Variants in LRP1 observed in about 807,000 individuals in gnomAD.
LRP1 encodes the protein LDL receptor related protein 1, also known as prolow-density lipoprotein receptor-related protein 1.
In LRP1, 51 loss-of-function variants were observed where a neutral mutation model predicts 541.5. The ratio of observed to expected loss-of-function variants is 0.09; its 90% CI spans 0.08 to 0.12. The LOEUF is 0.12. Ranked by LOEUF, LRP1 falls within the 10% of genes least tolerant of loss-of-function variation. The pLI is 1.00. For synonymous variants in LRP1, 2,219 were observed against 2,470.8 expected (o/e 0.90, Z 3.02); for missense variants, 3,878 against 6,376.2 (o/e 0.61, Z 13.34).
intron 4 of LRP1, 100 bp from the exon 5 acceptor site, chr12:57,144,872 G>T (rs1049329154): frequency 1.7e-6 from 2 of 1,191,906 alleles, no homozygotes; most frequent in South Asian, 2.5e-5. Flanking sequence ...GTCCTTCAAG[G>T]TAGCTGTAAG....
intron 6 of LRP1, among the ~76,000 whole-genome samples, chr12:57,145,810 T>C (rs1013182931): frequency 2.0e-5 from 3 of 152,076 alleles, no homozygotes; most frequent in African/African-American, 4.8e-5. Context: ...AGAGGGACTT[T>C]CCGGTGCAGT....
At chr12:57,200,125 C>T in intron 62 of LRP1, 100 bp downstream of exon 62, 7 of 1,038,344 alleles carry the variant, frequency 6.7e-6, no homozygotes, top group Non-Finnish European at 8.4e-6. Context: ...CCTCATGCAT[C>T]TGGTTTTCCC....
At position 57,185,712 on chromosome 12, in the gene LRP1, G is replaced by A. The variant is rs746675318; in HGVS notation, c.6645G>A (p.Ser2215=). ...CCATTCTCAAGAGTATCCACCTGTC[G>A]GATGAGCGCAACCTCAATGCGCCCG... ...ERTILKSIHL[S]DERNLNAPVQ... The change falls in exon 41 of 89, where the codon TCG becomes TCA. Residue 2215 remains serine (S), a synonymous_variant. Transcript: ENST00000243077. The surrounding 1 kb of genome is among the most constrained non-coding windows in gnomAD (Gnocchi z 4.9). 51 of 1,613,998 alleles carry A rather than the reference G, an allele frequency of 3.2e-5. No individual in the cohort carries two copies. The highest frequency in any genetic ancestry group is 3.3e-5 in the South Asian group (3 of 91,080).
chr12:57,204,793 C>A lies in LRP1; in HGVS notation c.11194+44C>A. The A allele has an allele frequency of 6.2e-7, 1 of 1,607,462 alleles. No individual in the cohort carries two copies. Among genetic ancestry groups the A allele is most frequent in the Non-Finnish European group, 8.5e-7 (1 of 1,175,242 alleles). ...AGAGGCCTGCAGGGGACGGGTAGTG[C>A]ACAGTGGGGTGAGTCTGGTCCTCGT... On this transcript the variant is annotated intron_variant, in intron 72 of 88. Transcript: ENST00000243077. The surrounding 1 kb of genome is among the most constrained non-coding windows in gnomAD (Gnocchi z 5.3).
chr12:57,159,310 C>T (rs1269318536), intron 11 of LRP1, among the ~76,000 whole-genome samples: 1 of 152,182 alleles, frequency 6.6e-6, no homozygotes. Flanking sequence ...GCAATCATAT[C>T]ACAAGACTTT....
chr12:57,175,452 T>C lies in LRP1; in HGVS notation c.3548-8T>C. The C allele has an allele frequency of 1.2e-6, 2 of 1,612,330 alleles. No individual in the cohort carries two copies. The highest frequency in any genetic ancestry group is 1.7e-6 in the Non-Finnish European group (2 of 1,179,960). ...CCTGGGTCTGTTCCATGCCTGCCCC[T>C]CCCCTAGACCAGTGCTCTCTGAATA... On this transcript the variant is annotated splice_region_variant and splice_polypyrimidine_tract_variant and intron_variant, in intron 22 of 88. Transcript: ENST00000243077.
rs74093958 is a variant in LRP1 at position 57,161,987 on chromosome 12, G to A, written c.2203-330G>A. Among the ~76,000 whole-genome samples, 836 of 149,082 alleles carry A rather than the reference G, an allele frequency of 5.6e-3. 9 individuals are homozygous for A. Among genetic ancestry groups the A allele is most frequent in the African/African-American group, 0.02 (787 of 38,814 alleles). ...TGCTCATTAGTGTGTGTGTGTGCGC[G>A]CACGCATATGAGTGTGTGTGTGTGT... On this transcript the variant is annotated intron_variant, in intron 13 of 88. Coordinates refer to ENST00000243077, the MANE Select transcript of LRP1 (RefSeq NM_002332.3).
chr12:57,142,802 G>T (rs902099188), intron 3 of LRP1, among the ~76,000 whole-genome samples: 1 of 152,148 alleles, frequency 6.6e-6, no homozygotes, highest in African/African-American at 2.4e-5. Flanking sequence ...AGCATGAATG[G>T]CTCTCGGGTG....
In LRP1 at chr12:57,128,826, G is replaced by A; in HGVS notation, c.-139G>A. ...ACCTCTTCACCCACGCCCCTGGTGCGCTTTGCCGAAGGAAAGAATAAGAAC... is the reference window on the plus strand; with the variant it reads ...ACCTCTTCACCCACGCCCCTGGTGCACTTTGCCGAAGGAAAGAATAAGAAC... On this transcript the variant is annotated 5_prime_UTR_variant, in exon 1 of 89. Coordinates refer to ENST00000243077, the MANE Select transcript of LRP1 (RefSeq NM_002332.3). 2 of 712,862 alleles carry A rather than the reference G, an allele frequency of 2.8e-6. No individual in the cohort carries two copies. Among genetic ancestry groups the A allele is most frequent in the Non-Finnish European group, 4.6e-6 (2 of 438,114 alleles). 44.2% of individuals were successfully genotyped at this position (712,862 alleles called of 1,614,324 possible). A position where few individuals can be genotyped will look rare whatever the true frequency, so the allele number is the denominator to read the frequency against.
rs779425228 is a variant in LRP1, at chr12:57,193,710, C to T, written c.7804+25C>T. Reference sequence around the variant, plus strand: ...AGTGAGTGAGGCGCACTGGCATAACCCATCTGTACCTCAGTTCCTGCCCCA... The same window carrying T: ...AGTGAGTGAGGCGCACTGGCATAACTCATCTGTACCTCAGTTCCTGCCCCA... On this transcript the variant is annotated intron_variant, in intron 47 of 88. Coordinates refer to ENST00000243077, the MANE Select transcript of LRP1 (RefSeq NM_002332.3). 8 of 1,614,052 alleles carry T rather than the reference C, an allele frequency of 5.0e-6. No individual in the cohort carries two copies. In the South Asian group the frequency reaches 7.7e-5, roughly 16 times the overall value.
Position 57,141,215 on chromosome 12 carries a change from G to A in LRP1, c.191-159G>A, listed in dbSNP as rs142012367. 5.0e-4 allele frequency among the ~76,000 whole-genome samples: 76 copies of A among 152,214 alleles called. No individual in the cohort carries two copies. The East Asian group carries it at 0.014, about 27-fold the overall frequency. On this transcript the variant is annotated intron_variant, in intron 2 of 88. Coordinates refer to ENST00000243077, the MANE Select transcript of LRP1 (RefSeq NM_002332.3). Reference sequence around the variant, plus strand: ...GCCTACAGGTGTGTGGCTACTGTGGGGAATATTGTAAAAGAGTTCCAGGTG... The same window carrying A: ...GCCTACAGGTGTGTGGCTACTGTGGAGAATATTGTAAAAGAGTTCCAGGTG...
chr12:57,209,559 T>C, intron 79 of LRP1, 133 bp from the exon 80 acceptor site: 1 of 722,066 alleles, frequency 1.4e-6, no homozygotes. Context: ...GAGGAACCGG[T>C]GTGGGGAGAG....
In LRP1 at chr12:57,141,453, C is replaced by T. The variant is rs2035289414; in HGVS notation, c.270C>T (p.Arg90=). 1 of 1,614,178 alleles carries T rather than the reference C, an allele frequency of 6.2e-7. No homozygotes were observed. Among genetic ancestry groups the T allele is most frequent in the Non-Finnish European group, 8.5e-7 (1 of 1,180,024 alleles). The part of the protein sequence containing the change: ...LGTELCVPMS[R]LCNGVQDCMD... ...CTGAGCTGTGTGTTCCCATGTCCCG[C>T]CTCTGCAATGGGGTCCAGGACTGCA... Residue 90 remains arginine, a synonymous_variant, in exon 3 of 89, where the codon CGC becomes CGT. Coordinates refer to ENST00000243077, the MANE Select transcript of LRP1 (RefSeq NM_002332.3).
intron 12 of LRP1, 71 bp downstream of exon 12, chr12:57,160,076 T>C: frequency 4.6e-6 from 7 of 1,516,518 alleles, no homozygotes; most frequent in Non-Finnish European, 6.3e-6. Context: ...GAGGATGAAA[T>C]GGACAGGGAA....
Position 57,194,980 on chromosome 12 carries a change from C to T in LRP1, c.8192-5C>T, listed in dbSNP as rs1210115384. ...CCATCTAACTGTGGCTTCTGACTGCCCCAGACAAGTTCTGCTCAGAGGCCC... is the reference window on the plus strand; with the variant it reads ...CCATCTAACTGTGGCTTCTGACTGCTCCAGACAAGTTCTGCTCAGAGGCCC... On this transcript the variant is annotated splice_polypyrimidine_tract_variant and splice_region_variant and intron_variant, in intron 50 of 88. Coordinates refer to ENST00000243077, the MANE Select transcript of LRP1 (RefSeq NM_002332.3). 7.4e-6 allele frequency: 12 copies of T among 1,611,094 alleles called. No homozygotes were observed. Among genetic ancestry groups the T allele is most frequent in the Non-Finnish European group, 1.0e-5 (12 of 1,177,468 alleles).
At chr12:57,172,130 G>A (rs1052123997) in intron 20 of LRP1, among the ~76,000 whole-genome samples, 4 of 149,640 alleles carry the variant, frequency 2.7e-5, no homozygotes, top group African/African-American at 9.9e-5. Flanking sequence ...CGTGATCTCG[G>A]CTCACTGCAA....
rs558851066 is a variant in LRP1 at position 57,158,734 on chromosome 12, T to C, written c.1798+96T>C. 1.2e-5 allele frequency: 14 copies of C among 1,129,890 alleles called. No individual in the cohort carries two copies. In the South Asian group the frequency reaches 1.7e-4, roughly 14 times the overall value. 70.0% of individuals were successfully genotyped at this position (1,129,890 alleles called of 1,614,324 possible). Reference sequence around the variant, plus strand: ...CCCTCTCAGCAGGATGGTCCCCTGCTGACTGGCTGGCTGCACTGGTTGGCA... The same window carrying C: ...CCCTCTCAGCAGGATGGTCCCCTGCCGACTGGCTGGCTGCACTGGTTGGCA... On this transcript the variant is annotated intron_variant, in intron 11 of 88. Transcript: ENST00000243077. The surrounding 1 kb of genome is among the most constrained non-coding windows in gnomAD (Gnocchi z 5.3).
Position 57,187,363 on chromosome 12 carries a change from A to G in LRP1, c.6938A>G (p.Asp2313Gly). 1 of 1,614,214 alleles carries G rather than the reference A, an allele frequency of 6.2e-7. No homozygotes were observed. Among genetic ancestry groups the G allele is most frequent in the Non-Finnish European group, 8.5e-7 (1 of 1,180,046 alleles). Residue 2313 changes from aspartate (D) to glycine (G), a missense_variant, in exon 42 of 89, where the codon GAC (aspartate) becomes GGC (glycine). By Grantham distance (94) the Asp-to-Gly change is moderately conservative. This residue lies in a region of LRP1 where 1,100 missense variants were observed against 1,827.4 expected (regional missense o/e 0.60). Coordinates refer to ENST00000243077, the MANE Select transcript of LRP1 (RefSeq NM_002332.3). ...TCCACCATCACGCGCCACACAGTGG[A>G]CCAGACCCGCCCAGGGGCCTTCGAG... ...TTSTITRHTV[D>G]QTRPGAFERE...
rs1356365896 is a variant in LRP1, at chr12:57,158,994, A to G, written c.1798+356A>G. Among the ~76,000 whole-genome samples, 3 of 152,228 alleles carry G rather than the reference A, an allele frequency of 2.0e-5. No homozygotes were observed. The highest frequency in any genetic ancestry group is 1.3e-4 in the Admixed American group (2 of 15,290). On this transcript the variant is annotated intron_variant, in intron 11 of 88. Transcript: ENST00000243077. The surrounding 1 kb of genome is among the most constrained non-coding windows in gnomAD (Gnocchi z 5.3). The stretch of plus-strand genomic sequence containing the variant: ...CCAGATCAAAACAGGGCACACCCAC[A>G]TGTATGTGCGCACACAGGGTCTGTG...
Sources: allele counts gnomAD v4.1 joint callset (sites outside exome capture counted in the v4.1 genomes callset), GRCh38; gene constraint gnomAD v4.1.1; regional missense constraint gnomAD v4.1.1; non-coding constraint Gnocchi (gnomAD v3.1); transcripts MANE v1.5; gene names NCBI Gene and HGNC (gene_info 2026-07-23, HGNC 2026-07-21).